GMDS: variants seen among roughly 807,000 people sequenced by gnomAD.
The protein encoded by GMDS is GDP-mannose 4,6-dehydratase, also known as GDP-mannose 4,6 dehydratase.
GMDS carries 20 observed loss-of-function variants against 49.9 expected under a neutral mutation model. That is an observed-to-expected ratio of 0.40 (90% confidence interval 0.28 to 0.58). The LOEUF is 0.58. Among genes scored for constraint, GMDS ranks in the 20% least tolerant of loss-of-function variants. The pLI, the probability that GMDS is intolerant of heterozygous loss-of-function variation, is 0.42. For synonymous variants in GMDS, 177 were observed against 178.6 expected (o/e 0.99, Z 0.07); for missense variants, 362 against 481.4 (o/e 0.75, Z 2.32).
chr6:1,823,879 A>G (rs1310059074), intron 7 of GMDS, among the ~76,000 whole-genome samples: 2 of 152,074 alleles, frequency 1.3e-5, no homozygotes, highest in African/African-American at 4.8e-5. Flanking sequence ...ACTCAAAAAG[A>G]AAAGAAAACC....
chr6:2,013,251 C>T (rs1453217815), intron 4 of GMDS, among the ~76,000 whole-genome samples: 1 of 152,118 alleles, frequency 6.6e-6, no homozygotes, highest in African/African-American at 2.4e-5. Flanking sequence ...CACAAGTCAA[C>T]TATGGAAAAC....
chr6:1,957,624 G>A (rs1056431381), intron 6 of GMDS, among the ~76,000 whole-genome samples: 8 of 152,138 alleles, frequency 5.3e-5, no homozygotes, highest in African/African-American at 1.7e-4. Context: ...GAAGCCTGAC[G>A]CTGCAGAACA....
chr6:1,922,539 C>T (rs904195876), intron 7 of GMDS, among the ~76,000 whole-genome samples: 1 of 152,220 alleles, frequency 6.6e-6, no homozygotes, highest in African/African-American at 2.4e-5. Flanking sequence ...TGCCCACTCT[C>T]TCCTGAATGG....
intron 2 of GMDS, among the ~76,000 whole-genome samples, chr6:2,120,356 A>T (rs997631518): frequency 3.3e-5 from 5 of 152,084 alleles, no homozygotes; most frequent in Non-Finnish European, 7.4e-5. Context: ...TTTTTTAATC[A>T]AAGTATAAAG....
At chr6:2,017,314 T>A (rs568059369) in intron 4 of GMDS, among the ~76,000 whole-genome samples, 25 of 151,102 alleles carry the variant, frequency 1.7e-4, no homozygotes, top group African/African-American at 5.2e-4. Context: ...TTTTTATTTT[T>A]TTTTTTCCCC....
At chr6:1,665,099 AT>A (rs1032555733) in intron 9 of GMDS, among the ~76,000 whole-genome samples, 10 of 152,052 alleles carry the variant, frequency 6.6e-5, no homozygotes, top group Non-Finnish European at 1.2e-4. Flanking sequence ...ATACTTTTTA[AT>A]TTTTTTTATT....
chr6:2,232,256 T>C (rs1238696677), intron 1 of GMDS, among the ~76,000 whole-genome samples: 1 of 152,222 alleles, frequency 6.6e-6, no homozygotes, highest in Non-Finnish European at 1.5e-5. Context: ...CTCAGGTTTT[T>C]ACCAGTCTAT....
rs57897372 is a variant in GMDS, at chr6:1,652,698, T to TTA, written c.988-28160_988-28159dup. Among the ~76,000 whole-genome samples, 2 of 1,892 alleles carry TTA rather than the reference T, an allele frequency of 1.1e-3. 1 individual carries two copies. Among genetic ancestry groups the TTA allele is most frequent in the African/African-American group, 2.2e-3 (2 of 922 alleles). The allele number at this position is 1,892 out of a possible 152,430, so 1.2% of individuals were successfully genotyped here. On this transcript the variant is annotated intron_variant, in intron 9 of 10. Transcript: ENST00000380815. ...ATATATATTATTTATATATAATATA[T>TTA]TATATATATATATATATATATAGAG...
At chr6:1,757,050 C>T (rs6596854) in intron 7 of GMDS, among the ~76,000 whole-genome samples, 85,064 of 151,994 alleles carry the variant, frequency 0.56, 24,362 homozygotes, top group African/African-American at 0.68. Context: ...CCACAAAGAG[C>T]TATCTTGTGA....
chr6:2,133,964 A>G (rs1775867822), intron 1 of GMDS, among the ~76,000 whole-genome samples: 1 of 152,234 alleles, frequency 6.6e-6, no homozygotes, highest in African/African-American at 2.4e-5. Context: ...TCTGTGGGCT[A>G]CTAAATCTCT....
At chr6:2,222,555 A>G (rs1430196013) in intron 1 of GMDS, among the ~76,000 whole-genome samples, 1 of 152,226 alleles carries the variant, frequency 6.6e-6, no homozygotes, top group African/African-American at 2.4e-5. Flanking sequence ...CAATTTAAGA[A>G]TACTCACAGC....
At chr6:1,856,605 C>A (rs80323679) in intron 7 of GMDS, among the ~76,000 whole-genome samples, 3,359 of 152,346 alleles carry the variant, frequency 0.022, 118 homozygotes, top group African/African-American at 0.077. Context: ...TCCTGGCATA[C>A]TGCCCAGAGC....
intron 7 of GMDS, among the ~76,000 whole-genome samples, chr6:1,913,404 AAAAAAG>A (rs1368955598): frequency 6.6e-6 from 1 of 151,590 alleles, no homozygotes; most frequent in Non-Finnish European, 1.5e-5. Flanking sequence ...AAAAAAAAAA[AAAAAAG>A]AAAGTTTGCA....
intron 6 of GMDS, among the ~76,000 whole-genome samples, chr6:1,934,393 G>C (rs1762428349): frequency 6.6e-6 from 1 of 152,144 alleles, no homozygotes; most frequent in Admixed American, 6.5e-5. Flanking sequence ...TTTAGGATCA[G>C]CTTGTTGATT....
intron 4 of GMDS, among the ~76,000 whole-genome samples, chr6:2,036,079 C>G (rs1170642854): frequency 6.6e-6 from 1 of 152,170 alleles, no homozygotes; most frequent in African/African-American, 2.4e-5. Context: ...TATTGCACCT[C>G]TAAGAATTAG....
At position 2,124,642 on chromosome 6, in the gene GMDS, G is replaced by A. The variant is rs200510476; in HGVS notation, c.147+45C>T. On this transcript the variant is annotated intron_variant, in intron 2 of 10. Coordinates refer to ENST00000380815, the MANE Select transcript of GMDS (RefSeq NM_001500.4). ...GAGGAAGCATGTGGCCGCTGCATGC[G>A]AGCAACCCCACCAGCCTGCGCCCGC... The A allele has an allele frequency of 1.9e-5, 29 of 1,511,858 alleles. No individual in the cohort carries two copies. In the East Asian group the frequency reaches 2.9e-4, roughly 15 times the overall value. 93.7% of individuals were successfully genotyped at this position (1,511,858 alleles called of 1,614,324 possible).
chr6:1,680,978 T>C (rs746601541), intron 9 of GMDS, among the ~76,000 whole-genome samples: 1 of 152,180 alleles, frequency 6.6e-6, no homozygotes. Context: ...CGTTCACATT[T>C]ACTGTTGCCT....
At chr6:1,910,644 T>C (rs772966278) in intron 7 of GMDS, among the ~76,000 whole-genome samples, 1 of 152,136 alleles carries the variant, frequency 6.6e-6, no homozygotes. Context: ...GGACCCAACA[T>C]ACAGCACAGC....
intron 1 of GMDS, among the ~76,000 whole-genome samples, chr6:2,242,203 A>T (rs551625193): frequency 6.6e-6 from 1 of 152,366 alleles, no homozygotes; most frequent in South Asian, 2.1e-4. Flanking sequence ...ATTCAGCCAC[A>T]AATAATTACT....
Sources: gnomAD v4.1 joint callset for allele counts (sites outside exome capture counted in the v4.1 genomes callset) on GRCh38, gnomAD v4.1.1 for gene constraint, MANE v1.5 for transcripts, NCBI Gene and HGNC (gene_info 2026-07-23, HGNC 2026-07-21) for gene names.